Variants in KCTD16 observed in about 807,000 individuals in gnomAD.
KCTD16 encodes potassium channel tetramerization domain containing 16.
A neutral mutation model predicts 33.2 loss-of-function variants in KCTD16; 13 were observed. That is an observed-to-expected ratio of 0.39 (90% CI 0.25 to 0.62). The LOEUF (loss-of-function observed/expected upper bound fraction) is 0.62, where lower values mean the gene tolerates loss of function less well. KCTD16 is among the 20% of genes least tolerant of loss of function. KCTD16 has a pLI of 0.50. For missense variants in KCTD16, 441 were observed against 525.1 expected, an observed-to-expected ratio of 0.84 and a Z score of 1.57; for synonymous variants, 197 against 195.3, an observed-to-expected ratio of 1.01 and a Z score of -0.07.
At chr5:144,197,016 C>T (rs1216756279) in intron 2 of KCTD16, among the ~76,000 whole-genome samples, 1 of 152,104 alleles carries the variant, frequency 6.6e-6, no homozygotes, top group Non-Finnish European at 1.5e-5. Context: ...ATCTTGTGCC[C>T]GGTATGTGTG....
chr5:144,357,689 C>G (rs887052120), intron 3 of KCTD16, among the ~76,000 whole-genome samples: 1 of 152,104 alleles, frequency 6.6e-6, no homozygotes, highest in Admixed American at 6.6e-5. Context: ...AGCTGAACCT[C>G]AAAGAATAGG....
chr5:144,309,466 A>T lies in KCTD16; in HGVS notation c.832+101920A>T, dbSNP rs150050475. On this transcript the variant is annotated intron_variant, in intron 3 of 3. Transcript: ENST00000512467. ...CAAAATGAGTTGACACATTCTTGGC[A>T]TATTTGAATGAAGTCTTCATTGGTT... 2.0e-4 allele frequency among the ~76,000 whole-genome samples: 31 copies of T among 152,066 alleles called. No individual in the cohort carries two copies. In the East Asian group the frequency reaches 5.6e-3, roughly 28 times the overall value.
intron 3 of KCTD16, among the ~76,000 whole-genome samples, chr5:144,298,126 CT>C (rs1023122788): frequency 6.6e-6 from 1 of 152,178 alleles, no homozygotes; most frequent in African/African-American, 2.4e-5. Context: ...ACACTAGTCA[CT>C]GGGTTCCACG....
At chr5:144,466,630 A>G (rs1580986771) in intron 3 of KCTD16, among the ~76,000 whole-genome samples, 1 of 152,154 alleles carries the variant, frequency 6.6e-6, no homozygotes, top group East Asian at 1.9e-4. Context: ...ATGTTTGAAT[A>G]TTGTGTCCAC....
chr5:144,197,761 G>A (rs529702248), intron 2 of KCTD16, among the ~76,000 whole-genome samples: 9 of 152,312 alleles, frequency 5.9e-5, no homozygotes, highest in South Asian at 2.1e-4. Flanking sequence ...TAACCTCTTG[G>A]AGGCTCTTTT....
chr5:144,305,075 T>C (rs1290834641), intron 3 of KCTD16, among the ~76,000 whole-genome samples: 1 of 149,710 alleles, frequency 6.7e-6, no homozygotes, highest in Non-Finnish European at 1.5e-5. Flanking sequence ...TCACCTGACA[T>C]GTGGGACACT....
chr5:144,378,064 C>G (rs571537223), intron 3 of KCTD16, among the ~76,000 whole-genome samples: 121 of 152,140 alleles, frequency 8.0e-4, no homozygotes, highest in Non-Finnish European at 1.4e-3. Flanking sequence ...AACTTAAACA[C>G]TTAGCAGATA....
chr5:144,279,737 C>T (rs1755548712), intron 3 of KCTD16, among the ~76,000 whole-genome samples: 1 of 152,232 alleles, frequency 6.6e-6, no homozygotes, highest in African/African-American at 2.4e-5. Flanking sequence ...GGGCATAGCC[C>T]TTGGAACCTA....
At chr5:144,246,996 T>A (rs1754567994) in intron 3 of KCTD16, among the ~76,000 whole-genome samples, 1 of 152,228 alleles carries the variant, frequency 6.6e-6, no homozygotes, top group Admixed American at 6.5e-5. Flanking sequence ...TTCCTTTTAC[T>A]GTAAATTCAA....
chr5:144,266,175 A>G (rs1055349642), intron 3 of KCTD16, among the ~76,000 whole-genome samples: 1 of 152,158 alleles, frequency 6.6e-6, no homozygotes, highest in Non-Finnish European at 1.5e-5. Context: ...CAACAAATAT[A>G]TGTAAGTATG....
At position 144,337,428 on chromosome 5, in the gene KCTD16, A is replaced by T. The variant is rs542564377; in HGVS notation, c.832+129882A>T. Among the ~76,000 whole-genome samples the T allele has an allele frequency of 3.3e-5, 5 of 152,270 alleles. No homozygotes were observed. The East Asian group carries it at 7.7e-4, about 23-fold the overall frequency. On this transcript the variant is annotated intron_variant, in intron 3 of 3. Transcript: ENST00000512467. ...TTAATGCATGTTGTTTGTTCTACTA[A>T]TCTGTTGGGCGTAAAGTATTATAGA...
At chr5:144,355,981 T>A (rs1751560919) in intron 3 of KCTD16, among the ~76,000 whole-genome samples, 1 of 152,184 alleles carries the variant, frequency 6.6e-6, no homozygotes. Context: ...TTAGCCCTTG[T>A]TGACCTCCCT....
chr5:144,411,361 G>A (rs2126954002), intron 3 of KCTD16, among the ~76,000 whole-genome samples: 1 of 152,148 alleles, frequency 6.6e-6, no homozygotes, highest in East Asian at 1.9e-4. Flanking sequence ...AAAGAACAGA[G>A]AACCCAGATA....
intron 3 of KCTD16, among the ~76,000 whole-genome samples, chr5:144,417,501 A>G (rs1580946912): frequency 6.6e-6 from 1 of 152,126 alleles, no homozygotes; most frequent in Non-Finnish European, 1.5e-5. Context: ...AGAGTACTTT[A>G]TACATTCCAA....
intron 3 of KCTD16, among the ~76,000 whole-genome samples, chr5:144,227,065 A>G (rs1284614870): frequency 6.6e-6 from 1 of 152,218 alleles, no homozygotes; most frequent in Non-Finnish European, 1.5e-5. Context: ...TCTGCCTTCA[A>G]GGAGCTTATA....
At chr5:144,204,752 T>C (rs1580785382) in intron 2 of KCTD16, among the ~76,000 whole-genome samples, 2 of 152,232 alleles carry the variant, frequency 1.3e-5, no homozygotes, top group African/African-American at 4.8e-5. Flanking sequence ...AGAGAGAGTG[T>C]TTATGTATCT....
At chr5:144,235,651 T>A (rs1359636179) in intron 3 of KCTD16, among the ~76,000 whole-genome samples, 1 of 152,044 alleles carries the variant, frequency 6.6e-6, no homozygotes, top group Non-Finnish European at 1.5e-5. Flanking sequence ...AATATTACCT[T>A]TTATTATTAT....
intron 3 of KCTD16, among the ~76,000 whole-genome samples, chr5:144,424,549 C>T (rs768284883): frequency 3.9e-5 from 6 of 152,134 alleles, no homozygotes; most frequent in Non-Finnish European, 5.9e-5. Flanking sequence ...ACTCTGTCTT[C>T]GATCATTTTC....
At chr5:144,288,058 C>A (rs1028301469) in intron 3 of KCTD16, among the ~76,000 whole-genome samples, 40 of 152,126 alleles carry the variant, frequency 2.6e-4, no homozygotes, top group African/African-American at 9.4e-4. Flanking sequence ...ATTGAAGGTG[C>A]AGAATAGCCC....
Sources: allele counts gnomAD v4.1 joint callset (sites outside exome capture counted in the v4.1 genomes callset), GRCh38; gene constraint gnomAD v4.1.1; transcripts MANE v1.5; gene names NCBI Gene and HGNC (gene_info 2026-07-23, HGNC 2026-07-21).